Variants in RP1 observed in about 807,000 individuals in gnomAD.
RP1 encodes RP1 axonemal microtubule associated.
RP1 carries 16 observed loss-of-function variants against 14.8 expected under a neutral mutation model. The observed-to-expected ratio is 1.08, with a 90% confidence interval of 0.73 to 1.65. The LOEUF (loss-of-function observed/expected upper bound fraction) is 1.65, where lower values mean the gene tolerates loss of function less well. Among genes scored for constraint, RP1 ranks in the 40% most tolerant of loss-of-function variants. The probability of loss-of-function intolerance (pLI) is 0.00; values close to 1 mark genes in which losing one functional copy is unlikely to be tolerated. For synonymous variants in RP1, 876 were observed against 883.6 expected, an observed-to-expected ratio of 0.99 and a Z score of 0.15; for missense variants, 2,631 against 2,535.0, an observed-to-expected ratio of 1.04 and a Z score of -0.81.
intron 24 of RP1, among the ~76,000 whole-genome samples, chr8:54,801,654 C>A (rs1241618714): frequency 6.6e-6 from 1 of 152,104 alleles, no homozygotes; most frequent in Non-Finnish European, 1.5e-5. Context: ...CCTGCAAGTG[C>A]CTGGTGGGGT....
intron 24 of RP1, among the ~76,000 whole-genome samples, chr8:54,805,964 C>T (rs997737541): frequency 1.3e-5 from 2 of 152,034 alleles, no homozygotes; most frequent in Non-Finnish European, 1.5e-5. Context: ...GTATCTAATA[C>T]AACAGAGGAA....
At chr8:54,672,759 A>G (rs1258261614) in intron 7 of RP1, among the ~76,000 whole-genome samples, 1 of 152,160 alleles carries the variant, frequency 6.6e-6, no homozygotes, top group African/African-American at 2.4e-5. Context: ...TTTACTGAGT[A>G]AATTATAGAC....
intron 1 of RP1, among the ~76,000 whole-genome samples, chr8:54,608,011 C>A (rs988233659): frequency 6.6e-6 from 1 of 151,990 alleles, no homozygotes; most frequent in African/African-American, 2.4e-5. Flanking sequence ...CGATGCCTCA[C>A]CCTGCTTCGG....
At chr8:54,838,522 C>T (rs1223980261) in intron 25 of RP1, among the ~76,000 whole-genome samples, 1 of 151,758 alleles carries the variant, frequency 6.6e-6, no homozygotes, top group South Asian at 2.1e-4. Context: ...TATGTATGTG[C>T]GTGACAGAAT....
In RP1 at chr8:54,754,866, C is replaced by T. The variant is rs538140705; in HGVS notation, c.2872C>T (p.Arg958Trp). The change falls in exon 20 of 23, where the codon CGG becomes TGG. Residue 958 changes from arginine (R) to tryptophan (W), a missense_variant. Coordinates refer to the RP1 transcript ENST00000636932. ...TTTTGCAGCAAACGTATGGCTGTCT[C>T]GGATTCAGGCAGATGGGGATGTTGT... 3.7e-5 allele frequency: 56 copies of T among 1,527,278 alleles called. No individual in the cohort carries two copies. In the Middle Eastern group the frequency reaches 5.0e-4, roughly 14 times the overall value. 94.6% of individuals were successfully genotyped at this position (1,527,278 alleles called of 1,614,324 possible). A position where few individuals can be genotyped will look rare whatever the true frequency, so the allele number is the denominator to read the frequency against.
intron 15 of RP1, among the ~76,000 whole-genome samples, chr8:54,711,644 T>C (rs116059748): frequency 0.037 from 5,584 of 152,340 alleles, 223 homozygotes; most frequent in African/African-American, 0.091. Context: ...AGCAAACACC[T>C]GCAGCAGGTC....
At chr8:54,751,797 G>T (rs986750456) in intron 19 of RP1, among the ~76,000 whole-genome samples, 12 of 152,188 alleles carry the variant, frequency 7.9e-5, no homozygotes, top group African/African-American at 2.9e-4. Flanking sequence ...AACAAACATT[G>T]CTGGAGATTA....
At chr8:54,568,970 A>G (rs972927959) in intron 1 of RP1, among the ~76,000 whole-genome samples, 2 of 152,308 alleles carry the variant, frequency 1.3e-5, no homozygotes, top group East Asian at 3.9e-4. Context: ...AAAAATCCCT[A>G]TGTTCTGGGG....
intron 1 of RP1, among the ~76,000 whole-genome samples, chr8:54,618,596 A>G (rs923383126): frequency 6.6e-6 from 1 of 152,198 alleles, no homozygotes; most frequent in Non-Finnish European, 1.5e-5. Context: ...TCAAATAAAC[A>G]TATAAGTACA....
rs1806203856 is a variant in RP1 at position 54,629,930 on chromosome 8, G to A, written c.6048G>A (p.Glu2016=). 6.2e-7 allele frequency: 1 copy of A among 1,613,762 alleles called. No individual in the cohort carries two copies. Among genetic ancestry groups the A allele is most frequent in the South Asian group, 1.1e-5 (1 of 91,064 alleles). The change falls in exon 4 of 4, where the codon GAG becomes GAA. Residue 2016 remains glutamate (E), a synonymous_variant. Coordinates refer to ENST00000220676, the MANE Select transcript of RP1 (RefSeq NM_006269.2). The part of the protein sequence containing the change: ...KQKRINFLGL[E]EEGNLKKFQP... ...AAAGAATTAACTTCTTGGGGTTAGAGGAAGAAGGTAATTTAAAGAAATTTC... is the reference window on the plus strand; with the variant it reads ...AAAGAATTAACTTCTTGGGGTTAGAAGAAGAAGGTAATTTAAAGAAATTTC...
In RP1 at chr8:54,837,594, A is replaced by G; in HGVS notation, c.3760A>G (p.Ile1254Val). ...ATTTTGTTTACCTGTTGATTCCTGG[A>G]TAGCTGAGAATGAAAATGATGGCGA... The change falls in exon 25 of 29, where the codon ATA (isoleucine) becomes GTA (valine). Residue 1254 changes from isoleucine (I) to valine (V), a missense_variant. Ile to Val is a conservative substitution (Grantham distance 29). Coordinates refer to the RP1 transcript ENST00000637698. 3 of 1,232,050 alleles carry G rather than the reference A, an allele frequency of 2.4e-6. No homozygotes were observed. In the South Asian group the frequency reaches 1.2e-4, roughly 51 times the overall value. The allele number at this position is 1,232,050 out of a possible 1,614,324, so 76.3% of individuals were successfully genotyped here.
intron 19 of RP1, among the ~76,000 whole-genome samples, chr8:54,744,121 A>G (rs940140572): frequency 2.0e-5 from 3 of 152,220 alleles, no homozygotes; most frequent in African/African-American, 4.8e-5. Context: ...TTAACATTCT[A>G]TGAAAGGAAT....
intron 22 of RP1, among the ~76,000 whole-genome samples, chr8:54,769,041 G>A (rs1357078824): frequency 2.0e-5 from 3 of 151,840 alleles, no homozygotes; most frequent in South Asian, 2.1e-4. Flanking sequence ...GACTACAGGC[G>A]CCCACCACCA....
chr8:54,765,527 T>C (rs1809740380), intron 22 of RP1, among the ~76,000 whole-genome samples: 2 of 152,222 alleles, frequency 1.3e-5, no homozygotes, highest in African/African-American at 4.8e-5. Flanking sequence ...AAGGTGTTAG[T>C]GTGTGGTGAA....
At chr8:54,838,333 T>C (rs1425241956) in intron 25 of RP1, among the ~76,000 whole-genome samples, 2 of 152,240 alleles carry the variant, frequency 1.3e-5, no homozygotes, top group African/African-American at 4.8e-5. Flanking sequence ...CCATTCCTGG[T>C]ATCTCTAATA....
chr8:54,833,912 A>T (rs1420951116), intron 24 of RP1, among the ~76,000 whole-genome samples: 1 of 152,088 alleles, frequency 6.6e-6, no homozygotes, highest in African/African-American at 2.4e-5. Flanking sequence ...CAAAATTTTG[A>T]TAGAAGCCAA....
chr8:54,734,390 G>T (rs1249261680), intron 17 of RP1, among the ~76,000 whole-genome samples: 1 of 152,128 alleles, frequency 6.6e-6, no homozygotes, highest in Non-Finnish European at 1.5e-5. Flanking sequence ...GGAGACAAGC[G>T]CAAATCAGCT....
At chr8:54,830,852 A>G (rs973338870) in intron 24 of RP1, among the ~76,000 whole-genome samples, 6 of 152,062 alleles carry the variant, frequency 3.9e-5, no homozygotes, top group African/African-American at 9.7e-5. Flanking sequence ...ACATTCAGCA[A>G]TTACTCTCCA....
intron 3 of RP1, among the ~76,000 whole-genome samples, chr8:54,643,534 G>A (rs532028400): frequency 6.6e-6 from 1 of 152,298 alleles, no homozygotes; most frequent in East Asian, 1.9e-4. Flanking sequence ...AGTAGCTTGT[G>A]CCTTTTAATT....
Sources: gnomAD v4.1 joint callset for allele counts (sites outside exome capture counted in the v4.1 genomes callset) on GRCh38, gnomAD v4.1.1 for gene constraint, MANE v1.5 for transcripts, NCBI Gene and HGNC (gene_info 2026-07-23, HGNC 2026-07-21) for gene names.